EXOC4: variants seen among roughly 807,000 people sequenced by gnomAD.
EXOC4 encodes the protein SEC8-like 1.
In EXOC4, 71 loss-of-function variants were observed where a neutral mutation model predicts 107.2. The ratio of observed to expected loss-of-function variants is 0.66; its 90% CI spans 0.55 to 0.81. EXOC4 has a LOEUF of 0.81. Among genes scored for constraint, EXOC4 ranks in the 30% least tolerant of loss-of-function variants. The probability of loss-of-function intolerance (pLI) is 0.00; values close to 1 mark genes in which losing one functional copy is unlikely to be tolerated. For missense variants in EXOC4, 1,108 were observed against 1,189.6 expected (o/e 0.93, Z 1.01); for synonymous variants, 456 against 441.2 (o/e 1.03, Z -0.42).
intron 9 of EXOC4, among the ~76,000 whole-genome samples, chr7:133,498,540 A>C (rs1205579716): frequency 6.6e-6 from 1 of 152,132 alleles, no homozygotes; most frequent in Non-Finnish European, 1.5e-5. Context: ...AGCCGAGATC[A>C]TGCTACTGCA....
At chr7:134,016,667 A>C (rs948348112) in intron 17 of EXOC4, among the ~76,000 whole-genome samples, 3 of 152,212 alleles carry the variant, frequency 2.0e-5, no homozygotes, top group African/African-American at 7.2e-5. Context: ...TTGTACCTTC[A>C]CTAAGGCCAG....
At chr7:133,684,483 T>C (rs1421210703) in intron 10 of EXOC4, among the ~76,000 whole-genome samples, 1 of 152,138 alleles carries the variant, frequency 6.6e-6, no homozygotes, top group Non-Finnish European at 1.5e-5. Context: ...CCATGATATC[T>C]GATAGATTTG....
intron 10 of EXOC4, among the ~76,000 whole-genome samples, chr7:133,783,386 G>A (rs139295915): frequency 2.0e-5 from 3 of 152,300 alleles, no homozygotes; most frequent in Admixed American, 1.3e-4. Context: ...GGACTTTGAT[G>A]CTTACATATG....
intron 17 of EXOC4, chr7:134,009,916 G>A (rs1794726501): frequency 6.6e-6 from 1 of 152,198 alleles, no homozygotes; most frequent in Middle Eastern, 3.2e-3. Flanking sequence ...AGCAGGTCAT[G>A]TGCCGATGAA....
downstream of EXOC4, among the ~76,000 whole-genome samples, chr7:134,067,636 T>C (rs57442445): frequency 0.6 from 77,472 of 128,314 alleles, 23,024 homozygotes; most frequent in African/African-American, 0.8. Flanking sequence ...TATATATATA[T>C]ATACACACAC....
intron 2 of EXOC4, among the ~76,000 whole-genome samples, chr7:133,287,992 C>T (rs895461516): frequency 2.6e-5 from 4 of 152,216 alleles, no homozygotes; most frequent in South Asian, 2.1e-4. Context: ...AAACTTACCA[C>T]GTGGTACACT....
At chr7:133,855,426 T>C (rs962811408) in intron 11 of EXOC4, among the ~76,000 whole-genome samples, 1 of 151,980 alleles carries the variant, frequency 6.6e-6, no homozygotes, top group Non-Finnish European at 1.5e-5. Flanking sequence ...TCTGTATGTC[T>C]TCCATTTATC....
chr7:133,456,973 A>G (rs953339724), intron 7 of EXOC4, among the ~76,000 whole-genome samples: 2 of 152,250 alleles, frequency 1.3e-5, no homozygotes, highest in Non-Finnish European at 2.9e-5. Context: ...ACCACTGAAG[A>G]ACACTGAGAG....
At chr7:133,993,892 A>G (rs1014843487) in intron 14 of EXOC4, among the ~76,000 whole-genome samples, 2 of 152,246 alleles carry the variant, frequency 1.3e-5, no homozygotes, top group Admixed American at 6.5e-5. Context: ...GTCAGTGGAC[A>G]GACTATGACA....
intron 12 of EXOC4, among the ~76,000 whole-genome samples, chr7:133,905,134 C>A (rs1799538717): frequency 6.6e-6 from 1 of 152,188 alleles, no homozygotes; most frequent in Admixed American, 6.5e-5. Context: ...CAGCAGATAT[C>A]CTTCAGAGAA....
At chr7:133,780,048 G>T (rs1562994061) in intron 10 of EXOC4, among the ~76,000 whole-genome samples, 1 of 152,152 alleles carries the variant, frequency 6.6e-6, no homozygotes, top group Non-Finnish European at 1.5e-5. Context: ...TGGTGTGCTG[G>T]CGATAAAAGC....
intron 2 of EXOC4, among the ~76,000 whole-genome samples, chr7:133,288,056 GT>G (rs1337259835): frequency 1.3e-5 from 2 of 152,082 alleles, no homozygotes; most frequent in Non-Finnish European, 2.9e-5. Flanking sequence ...AAACAAAACT[GT>G]AAAGAAATAT....
chr7:133,313,991 A>G (rs1018286720), intron 4 of EXOC4, among the ~76,000 whole-genome samples: 1 of 152,178 alleles, frequency 6.6e-6, no homozygotes, highest in Non-Finnish European at 1.5e-5. Context: ...ATTTGTAATC[A>G]TGTATTTAAA....
Position 133,664,320 on chromosome 7 carries a change from G to C in EXOC4, c.1514+34179G>C, listed in dbSNP as rs150679524. Among the ~76,000 whole-genome samples, 125 of 152,246 alleles carry C rather than the reference G, an allele frequency of 8.2e-4. 1 individual carries two copies. The highest frequency in any genetic ancestry group is 2.9e-3 in the African/African-American group (122 of 41,558). On this transcript the variant is annotated intron_variant, in intron 10 of 17. Transcript: ENST00000253861. The stretch of plus-strand genomic sequence containing the variant: ...TTCACTGTAGTTTTCGTACCACTTA[G>C]AATGGTTCCTGACATACAGTAGGCC...
chr7:133,764,481 TGCCAGGACTTA>T (rs1796096781), intron 10 of EXOC4, among the ~76,000 whole-genome samples: 2 of 152,034 alleles, frequency 1.3e-5, no homozygotes, highest in African/African-American at 4.8e-5. Flanking sequence ...TGCTGTGGGC[TGCCAGGACTTA>T]GCCCAGGAGT....
intron 9 of EXOC4, among the ~76,000 whole-genome samples, chr7:133,600,394 A>G (rs958293547): frequency 6.6e-6 from 1 of 152,190 alleles, no homozygotes; most frequent in African/African-American, 2.4e-5. Context: ...TGCAAAGGCA[A>G]TTTGGACACT....
intron 17 of EXOC4, among the ~76,000 whole-genome samples, chr7:134,016,794 GGTT>G (rs1794918621): frequency 1.3e-5 from 2 of 152,212 alleles, no homozygotes; most frequent in Non-Finnish European, 2.9e-5. Flanking sequence ...CTGCAGGAAA[GGTT>G]GTGAGTTTTC....
rs566599478 is a variant in EXOC4, at chr7:133,680,693, A to G, written c.1514+50552A>G. 5.3e-5 allele frequency among the ~76,000 whole-genome samples: 8 copies of G among 152,330 alleles called. No homozygotes were observed. The East Asian group carries it at 1.5e-3, about 29-fold the overall frequency. ...GACCTATGGAGCAAATCACCTTTCA[A>G]ACATGCCAAAGGTAGTTATTTGAAT... is the stretch of plus-strand genomic sequence containing the variant. On this transcript the variant is annotated intron_variant, in intron 10 of 17. Coordinates refer to ENST00000253861, the MANE Select transcript of EXOC4 (RefSeq NM_021807.4).
chr7:133,596,073 G>A (rs781437413), intron 9 of EXOC4, among the ~76,000 whole-genome samples: 3 of 152,070 alleles, frequency 2.0e-5, no homozygotes, highest in East Asian at 1.9e-4. Context: ...TTCCGCTTCC[G>A]CCCTTGTCTT....
Sources: gnomAD v4.1 joint callset for allele counts (sites outside exome capture counted in the v4.1 genomes callset) on GRCh38, gnomAD v4.1.1 for gene constraint, MANE v1.5 for transcripts, NCBI Gene and HGNC (gene_info 2026-07-23, HGNC 2026-07-21) for gene names.